The following KCNH8 variants were observed in gnomAD, a reference collection of about 807,000 sequenced individuals.
The protein encoded by KCNH8 is potassium voltage-gated channel subfamily H member 8, also known as voltage-gated delayed rectifier potassium channel KCNH8.
A neutral mutation model predicts 103.6 loss-of-function variants in KCNH8; 70 were observed. That is an observed-to-expected ratio of 0.68 (90% CI 0.56 to 0.82). The LOEUF is 0.82. Among genes scored for constraint, KCNH8 ranks in the 40% least tolerant of loss-of-function variants. The probability of loss-of-function intolerance (pLI) is 0.00; values close to 1 mark genes in which losing one functional copy is unlikely to be tolerated. For missense variants in KCNH8, 1,217 were observed against 1,329.9 expected, an observed-to-expected ratio of 0.92 and a Z score of 1.32; for synonymous variants, 498 against 489.4, an observed-to-expected ratio of 1.02 and a Z score of -0.23.
At chr3:19,262,373 A>C (rs935651378) in intron 2 of KCNH8, among the ~76,000 whole-genome samples, 1 of 151,924 alleles carries the variant, frequency 6.6e-6, no homozygotes, top group Admixed American at 6.6e-5. Flanking sequence ...GTTTTTTTAC[A>C]CTTAGTTATT....
Position 19,373,889 on chromosome 3 carries a change from G to C in KCNH8, c.812-16592G>C, listed in dbSNP as rs1346678102. On this transcript the variant is annotated intron_variant, in intron 5 of 15. Transcript: ENST00000328405. ...GTACCCATTAGTCATTCAGGAGCAG[G>C]TTGTTCAGTTTCCATGTAGTTGAGC... 3.3e-5 allele frequency among the ~76,000 whole-genome samples: 5 copies of C among 152,056 alleles called. No individual in the cohort carries two copies. The South Asian group carries it at 6.2e-4, about 19-fold the overall frequency.
At chr3:19,221,314 G>T (rs1188407154) in intron 1 of KCNH8, among the ~76,000 whole-genome samples, 2 of 152,228 alleles carry the variant, frequency 1.3e-5, no homozygotes, top group Admixed American at 6.5e-5. Flanking sequence ...TTTGCCCCAG[G>T]TTGGATAGCT....
intron 1 of KCNH8, among the ~76,000 whole-genome samples, chr3:19,239,635 AATCT>A (rs10571316): frequency 0.2 from 29,030 of 145,694 alleles, 2,932 homozygotes; most frequent in Non-Finnish European, 0.22. Flanking sequence ...AGAATGATGG[AATCT>A]ATCTATCTAT....
intron 15 of KCNH8, among the ~76,000 whole-genome samples, chr3:19,530,899 G>A (rs1030319232): frequency 3.9e-5 from 6 of 152,126 alleles, no homozygotes; most frequent in African/African-American, 1.4e-4. Context: ...TTTCACCTCT[G>A]AGTCTTATTG....
intron 7 of KCNH8, among the ~76,000 whole-genome samples, chr3:19,415,942 A>G (rs1192538261): frequency 6.6e-6 from 1 of 152,056 alleles, no homozygotes; most frequent in Non-Finnish European, 1.5e-5. Flanking sequence ...CTGAATAGGT[A>G]AGGTGGAATA....
At chr3:19,296,360 T>G (rs2064996879) in intron 3 of KCNH8, among the ~76,000 whole-genome samples, 1 of 152,232 alleles carries the variant, frequency 6.6e-6, no homozygotes, top group Non-Finnish European at 1.5e-5. Flanking sequence ...TTAAGAATGC[T>G]TATGCAATGT....
At chr3:19,224,103 A>C (rs1346240449) in intron 1 of KCNH8, among the ~76,000 whole-genome samples, 3 of 152,174 alleles carry the variant, frequency 2.0e-5, no homozygotes, top group Admixed American at 1.3e-4. Flanking sequence ...TGTTAAGATT[A>C]ATTGACATGG....
chr3:19,448,735 T>C (rs1242797982), intron 8 of KCNH8, among the ~76,000 whole-genome samples: 3 of 152,090 alleles, frequency 2.0e-5, no homozygotes, highest in South Asian at 2.1e-4. Context: ...TAGATCCTAA[T>C]AGACAAGCTA....
intron 11 of KCNH8, among the ~76,000 whole-genome samples, chr3:19,487,115 C>G (rs1284050954): frequency 4.6e-5 from 7 of 152,166 alleles, no homozygotes; most frequent in Admixed American, 4.6e-4. Flanking sequence ...CAGGGCCTCC[C>G]TGAAGATAGT....
At chr3:19,204,109 A>G (rs1575434386) in intron 1 of KCNH8, among the ~76,000 whole-genome samples, 1 of 152,114 alleles carries the variant, frequency 6.6e-6, no homozygotes, top group Non-Finnish European at 1.5e-5. Context: ...GTTAAATATC[A>G]TGTTAAATAT....
chr3:19,316,653 A>G (rs543672930), intron 3 of KCNH8, among the ~76,000 whole-genome samples: 19 of 151,988 alleles, frequency 1.3e-4, no homozygotes, highest in Admixed American at 1.1e-3. Context: ...TAAGGTTGTA[A>G]TAGGAAGATT....
In KCNH8 at chr3:19,278,256, A is replaced by G. The variant is rs555600800; in HGVS notation, c.311-2942A>G. 6.9e-4 allele frequency among the ~76,000 whole-genome samples: 105 copies of G among 152,188 alleles called. 1 individual carries two copies. Among genetic ancestry groups the G allele is most frequent in the Non-Finnish European group, 9.9e-4 (67 of 67,980 alleles). On this transcript the variant is annotated intron_variant, in intron 2 of 15. Coordinates refer to ENST00000328405, the MANE Select transcript of KCNH8 (RefSeq NM_144633.3). ...ACATGATTGGTAGCTTTTGGCATCTATTATCTTTCTAGAAGATAATGCAGT... is the reference window on the plus strand; with the variant it reads ...ACATGATTGGTAGCTTTTGGCATCTGTTATCTTTCTAGAAGATAATGCAGT...
intron 3 of KCNH8, among the ~76,000 whole-genome samples, chr3:19,340,341 T>A (rs1357220456): frequency 6.1e-5 from 7 of 115,346 alleles, no homozygotes; most frequent in African/African-American, 2.4e-4. Flanking sequence ...AATTTATTTT[T>A]TTTATTTTTT....
At chr3:19,520,957 ATAGT>A (rs2068961423) in intron 15 of KCNH8, among the ~76,000 whole-genome samples, 1 of 152,058 alleles carries the variant, frequency 6.6e-6, no homozygotes, top group African/African-American at 2.4e-5. Flanking sequence ...CATTCACAGA[ATAGT>A]TAGGAGAGTT....
intron 11 of KCNH8, among the ~76,000 whole-genome samples, chr3:19,499,483 A>G (rs922027169): frequency 2.0e-5 from 3 of 152,132 alleles, no homozygotes; most frequent in African/African-American, 7.2e-5. Context: ...CAAGACACAT[A>G]ATTGTCAGAT....
At chr3:19,480,337 G>A (rs1213192154) in intron 11 of KCNH8, among the ~76,000 whole-genome samples, 1 of 152,122 alleles carries the variant, frequency 6.6e-6, no homozygotes, top group Non-Finnish European at 1.5e-5. Context: ...CCTTCCAAAG[G>A]TGAAGCATTA....
rs540821080 is a variant in KCNH8, at chr3:19,305,872, G to GT, written c.442+24545dup. Among the ~76,000 whole-genome samples the GT allele has an allele frequency of 2.6e-3, 395 of 152,132 alleles. 2 individuals carry two copies. Among genetic ancestry groups the GT allele is most frequent in the African/African-American group, 8.9e-3 (370 of 41,518 alleles). On this transcript the variant is annotated intron_variant, in intron 3 of 15. Transcript: ENST00000328405. The stretch of plus-strand genomic sequence containing the variant: ...AAGAGATGGAAAGAGGGTATGTGTG[G>GT]TTAGGGGATGGGATATAAGTGAGCC...
Position 19,288,181 on chromosome 3 carries a change from C to CTTTTTTTTTTTCTTTTTTT in KCNH8, c.442+6863_442+6864insCTTTTTTTTTTTTTTTTTT, listed in dbSNP as rs2064861256. Among the ~76,000 whole-genome samples, 13 of 38,172 alleles carry CTTTTTTTTTTTCTTTTTTT rather than the reference C, an allele frequency of 3.4e-4. 1 individual carries two copies. Among genetic ancestry groups the CTTTTTTTTTTTCTTTTTTT allele is most frequent in the African/African-American group, 1.3e-3 (13 of 10,388 alleles). 25.0% of individuals were successfully genotyped at this position (38,172 alleles called of 152,430 possible). A position where few individuals can be genotyped will look rare whatever the true frequency, so the allele number is the denominator to read the frequency against. On this transcript the variant is annotated intron_variant, in intron 3 of 15. Transcript: ENST00000328405. ...CTTCTTGCACCGGTGTATCAAACTTCTTTTTTTTTTTTTTTTTTTTTTTTT... is the reference window on the plus strand; with the variant it reads ...CTTCTTGCACCGGTGTATCAAACTTCTTTTTTTTTTTCTTTTTTTTTTTTTTTTTTTTTTTTTTTTTTTT...
intron 1 of KCNH8, among the ~76,000 whole-genome samples, chr3:19,189,714 C>G (rs945539475): frequency 6.6e-6 from 1 of 151,922 alleles, no homozygotes; most frequent in Non-Finnish European, 1.5e-5. Flanking sequence ...TGTTAATGAT[C>G]TTCCTATTAA....
Sources: gnomAD v4.1 joint callset for allele counts (sites outside exome capture counted in the v4.1 genomes callset) on GRCh38, gnomAD v4.1.1 for gene constraint, MANE v1.5 for transcripts, NCBI Gene and HGNC (gene_info 2026-07-23, HGNC 2026-07-21) for gene names.